EPHA7: variants seen among roughly 807,000 people sequenced by gnomAD.
The protein encoded by EPHA7 is EPH receptor A7.
In EPHA7, 25 loss-of-function variants were observed where a neutral mutation model predicts 112.6. That is an observed-to-expected ratio of 0.22 (90% CI 0.16 to 0.31). EPHA7 has a LOEUF of 0.31. EPHA7 is among the 10% of genes least tolerant of loss of function. The pLI is 1.00. For missense variants in EPHA7, 962 were observed against 1,212.6 expected (o/e 0.79, Z 3.07); for synonymous variants, 437 against 406.5 (o/e 1.07, Z -0.90).
At chr6:93,375,575 A>G in intron 3 of EPHA7, among the ~76,000 whole-genome samples, 1 of 151,896 alleles carries the variant, frequency 6.6e-6, no homozygotes, top group East Asian at 1.9e-4. Context: ...CCTAGCAGAG[A>G]GACCTTGACT....
chr6:93,418,402 G>A (rs1779351045), intron 1 of EPHA7, among the ~76,000 whole-genome samples: 1 of 152,228 alleles, frequency 6.6e-6, no homozygotes, highest in Non-Finnish European at 1.5e-5. Context: ...CTTTGGCAAG[G>A]ATTGGGCACT....
intron 3 of EPHA7, among the ~76,000 whole-genome samples, chr6:93,360,766 G>T (rs1353170517): frequency 6.6e-6 from 1 of 151,920 alleles, no homozygotes; most frequent in African/African-American, 2.4e-5. Flanking sequence ...TTTAACAGAT[G>T]GGAAAACAGA....
rs190527479 is a variant in EPHA7 at position 93,286,639 on chromosome 6, C to T, written c.1325-14217G>A. Among the ~76,000 whole-genome samples the T allele has an allele frequency of 3.5e-3, 533 of 152,198 alleles. 1 individual carries two copies. The highest frequency in any genetic ancestry group is 6.1e-3 in the Admixed American group (93 of 15,282). ...AAACCAAAGGAATTGATTCAGATTT[C>T]CTAAGTGAAGGCACCAGATCATGGA... is the stretch of plus-strand genomic sequence containing the variant. On this transcript the variant is annotated intron_variant, in intron 5 of 16. Transcript: ENST00000369303.
At chr6:93,406,348 A>T (rs1778720596) in intron 3 of EPHA7, among the ~76,000 whole-genome samples, 1 of 151,912 alleles carries the variant, frequency 6.6e-6, no homozygotes, top group Admixed American at 6.6e-5. Context: ...ATAAAAAAAA[A>T]CATTTTTCAA....
At chr6:93,404,194 A>C (rs2127990643) in intron 3 of EPHA7, among the ~76,000 whole-genome samples, 1 of 152,174 alleles carries the variant, frequency 6.6e-6, no homozygotes, top group East Asian at 1.9e-4. Flanking sequence ...TGTGTTTTAC[A>C]AAATACAATC....
intron 5 of EPHA7, among the ~76,000 whole-genome samples, chr6:93,282,788 G>A (rs1178163811): frequency 6.6e-6 from 1 of 152,184 alleles, no homozygotes; most frequent in Non-Finnish European, 1.5e-5. Flanking sequence ...TAGCACCTGG[G>A]CCAGCAGCTG....
chr6:93,415,804 T>G (rs1459273884), intron 1 of EPHA7, among the ~76,000 whole-genome samples: 1 of 152,148 alleles, frequency 6.6e-6, no homozygotes, highest in African/African-American at 2.4e-5. Context: ...AATGTTAAAA[T>G]TTTTACTTAA....
chr6:93,332,525 A>T (rs1007855737), intron 5 of EPHA7, among the ~76,000 whole-genome samples: 1 of 148,492 alleles, frequency 6.7e-6, no homozygotes, highest in African/African-American at 2.4e-5. Context: ...ATAGGAACTC[A>T]ATTATAATGT....
At chr6:93,400,990 T>A (rs2127988960) in intron 3 of EPHA7, among the ~76,000 whole-genome samples, 1 of 152,246 alleles carries the variant, frequency 6.6e-6, no homozygotes, top group Middle Eastern at 3.4e-3. Flanking sequence ...TGATCTCTTC[T>A]CCAGATCTAG....
At chr6:93,397,344 AAC>A (rs577320371) in intron 3 of EPHA7, among the ~76,000 whole-genome samples, 554 of 152,006 alleles carry the variant, frequency 3.6e-3, no homozygotes, top group Middle Eastern at 0.01. Context: ...CTTTCTATAA[AAC>A]AGAGTAAACA....
chr6:93,273,489 T>A (rs1359310529), intron 5 of EPHA7, among the ~76,000 whole-genome samples: 2 of 151,994 alleles, frequency 1.3e-5, no homozygotes, highest in Admixed American at 6.6e-5. Context: ...TTATTTTGTT[T>A]CTTCTACTTA....
chr6:93,245,466 G>C lies in EPHA7; in HGVS notation c.2727-13C>G. The C allele has an allele frequency of 1.2e-6, 2 of 1,602,112 alleles. No homozygotes were observed. Among genetic ancestry groups the C allele is most frequent in the African/African-American group, 1.3e-5 (1 of 74,290 alleles). ...AGGGCTTATTGGCCTAGATAAAAATGAAACAGAAAAGCGAACATTATCCTG... is the reference window on the plus strand; with the variant it reads ...AGGGCTTATTGGCCTAGATAAAAATCAAACAGAAAAGCGAACATTATCCTG... On this transcript the variant is annotated splice_polypyrimidine_tract_variant and intron_variant, in intron 15 of 16. Coordinates refer to ENST00000369303, the MANE Select transcript of EPHA7 (RefSeq NM_004440.4).
Position 93,410,658 on chromosome 6 carries a change from G to C in EPHA7, c.675C>G (p.Ser225=). The C allele has an allele frequency of 6.2e-7, 1 of 1,613,990 alleles. No homozygotes were observed. The highest frequency in any genetic ancestry group is 8.5e-7 in the Non-Finnish European group (1 of 1,179,962). ...FPDTVTGSEF[S]SLVEVRGTCV... ...ATGTCCCTCGAACCTCGACTAAAGA[G>C]GAAAATTCTGAACCAGTCACTGTAT... The change falls in exon 3 of 17, where the codon TCC becomes TCG. Residue 225 remains serine (S), a synonymous_variant. Transcript: ENST00000369303. The surrounding 1 kb of genome is among the most constrained non-coding windows in gnomAD (Gnocchi z 4.0).
intron 5 of EPHA7, among the ~76,000 whole-genome samples, chr6:93,354,952 A>G (rs1363937534): frequency 6.6e-6 from 1 of 152,174 alleles, no homozygotes; most frequent in African/African-American, 2.4e-5. Flanking sequence ...ATTCTAACTT[A>G]GTAGAACCAA....
chr6:93,261,070 C>A (rs960185614), intron 9 of EPHA7, among the ~76,000 whole-genome samples: 1 of 151,612 alleles, frequency 6.6e-6, no homozygotes, highest in Non-Finnish European at 1.5e-5. Context: ...TGTCATAAAA[C>A]ATTTTGACAG....
At chr6:93,314,421 A>G (rs957487269) in intron 5 of EPHA7, among the ~76,000 whole-genome samples, 3 of 152,166 alleles carry the variant, frequency 2.0e-5, no homozygotes, top group African/African-American at 7.2e-5. Flanking sequence ...AGTAGCATAA[A>G]CATATTTAAC....
intron 6 of EPHA7, 135 bp from the exon 7 acceptor site, chr6:93,269,795 G>A: frequency 1.6e-6 from 1 of 635,242 alleles, no homozygotes; most frequent in Non-Finnish European, 2.5e-6. Context: ...ATATTATAAA[G>A]TTAAATCACT....
At chr6:93,314,467 C>T (rs768380827) in intron 5 of EPHA7, among the ~76,000 whole-genome samples, 1 of 152,116 alleles carries the variant, frequency 6.6e-6, no homozygotes, top group Non-Finnish European at 1.5e-5. Context: ...ACAGGTCCAA[C>T]CTCCATATCT....
At position 93,357,058 on chromosome 6, in the gene EPHA7, G is replaced by C; in HGVS notation, c.989-6C>G. 1 of 1,578,808 alleles carries C rather than the reference G, an allele frequency of 6.3e-7. No individual in the cohort carries two copies. The highest frequency in any genetic ancestry group is 1.1e-5 in the South Asian group (1 of 87,666). On this transcript the variant is annotated splice_polypyrimidine_tract_variant and splice_region_variant and intron_variant, in intron 4 of 16. Coordinates refer to ENST00000369303, the MANE Select transcript of EPHA7 (RefSeq NM_004440.4). ...CTGTGGTGCAGATGGAGGCCCTTGG[G>C]AAACCAAGAATAAATAAGTAAATAA...
Sources: allele counts gnomAD v4.1 joint callset (sites outside exome capture counted in the v4.1 genomes callset), GRCh38; gene constraint gnomAD v4.1.1; non-coding constraint Gnocchi (gnomAD v3.1); transcripts MANE v1.5; gene names NCBI Gene and HGNC (gene_info 2026-07-23, HGNC 2026-07-21).